The following SGMS1 variants were observed in gnomAD, a reference collection of about 807,000 sequenced individuals.
SGMS1 encodes sphingomyelin synthase 1, also known as phosphatidylcholine:ceramide cholinephosphotransferase 1.
A neutral mutation model predicts 46.2 loss-of-function variants in SGMS1; 13 were observed. That is an observed-to-expected ratio of 0.28 (90% confidence interval 0.18 to 0.45). The LOEUF (loss-of-function observed/expected upper bound fraction) is 0.45, where lower values mean the gene tolerates loss of function less well. Ranked by LOEUF, SGMS1 falls within the 20% of genes least tolerant of loss-of-function variation. The pLI, the probability that SGMS1 is intolerant of heterozygous loss-of-function variation, is 1.00. For synonymous variants in SGMS1, 203 were observed against 187.8 expected, an observed-to-expected ratio of 1.08 and a Z score of -0.66; for missense variants, 324 against 519.9, an observed-to-expected ratio of 0.62 and a Z score of 3.66.
intron 2 of SGMS1, among the ~76,000 whole-genome samples, chr10:50,561,968 A>G (rs1420889747): frequency 2.0e-5 from 3 of 152,158 alleles, no homozygotes; most frequent in Non-Finnish European, 4.4e-5. Context: ...ACCAGAGAGC[A>G]TATCTTCATC....
In SGMS1 at chr10:50,516,280, A is replaced by G. The variant is rs574543060; in HGVS notation, c.-498+3551T>C. On this transcript the variant is annotated intron_variant, in intron 3 of 10. Transcript: ENST00000361781. The stretch of plus-strand genomic sequence containing the variant: ...GACCAAAAATTTCATGCTGCTTTCT[A>G]TGCCTATTAAGGGGATGCAGAATGT... 8.5e-5 allele frequency among the ~76,000 whole-genome samples: 13 copies of G among 152,320 alleles called. No homozygotes were observed. The East Asian group carries it at 2.3e-3, about 27-fold the overall frequency.
At chr10:50,415,594 A>G (rs1198277052) in intron 6 of SGMS1, among the ~76,000 whole-genome samples, 1 of 152,174 alleles carries the variant, frequency 6.6e-6, no homozygotes, top group African/African-American at 2.4e-5. Flanking sequence ...TGGGGCTGTC[A>G]GCAATGCCTA....
intron 3 of SGMS1, among the ~76,000 whole-genome samples, chr10:50,471,906 C>A (rs372990434): frequency 2.6e-5 from 4 of 152,102 alleles, no homozygotes; most frequent in African/African-American, 7.2e-5. Flanking sequence ...AGCTTCTTCG[C>A]GGGCAAGAGC....
At chr10:50,458,769 T>C (rs1223153691) in intron 5 of SGMS1, among the ~76,000 whole-genome samples, 1 of 152,190 alleles carries the variant, frequency 6.6e-6, no homozygotes, top group African/African-American at 2.4e-5. Context: ...ATTTTTACGG[T>C]GATTTAAAAT....
chr10:50,541,559 T>C (rs1838052676), intron 2 of SGMS1, among the ~76,000 whole-genome samples: 1 of 152,176 alleles, frequency 6.6e-6, no homozygotes, highest in South Asian at 2.1e-4. Flanking sequence ...GGCAAACACC[T>C]AGCTCAGCTT....
At chr10:50,324,483 G>C (rs1847498685) in intron 8 of SGMS1, among the ~76,000 whole-genome samples, 1 of 152,116 alleles carries the variant, frequency 6.6e-6, no homozygotes, top group Non-Finnish European at 1.5e-5. Flanking sequence ...TGATTCTAAA[G>C]TAGGCAAAGC....
chr10:50,331,025 C>CA (rs993948549), intron 7 of SGMS1, among the ~76,000 whole-genome samples: 1 of 151,360 alleles, frequency 6.6e-6, no homozygotes, highest in African/African-American at 2.4e-5. Context: ...AAATGGGTGA[C>CA]AAAAAAACTG....
At chr10:50,615,173 A>T (rs1449415883) in intron 1 of SGMS1, among the ~76,000 whole-genome samples, 1 of 152,184 alleles carries the variant, frequency 6.6e-6, no homozygotes. Flanking sequence ...TCAGTCTGCA[A>T]CCTGAGCGCC....
chr10:50,541,317 A>T (rs1838050172), intron 2 of SGMS1, among the ~76,000 whole-genome samples: 2 of 152,126 alleles, frequency 1.3e-5, no homozygotes, highest in South Asian at 4.1e-4. Flanking sequence ...GCAACTTTTT[A>T]CCTCTCAAAG....
intron 2 of SGMS1, among the ~76,000 whole-genome samples, chr10:50,565,918 A>G (rs1343252042): frequency 6.6e-6 from 1 of 152,242 alleles, no homozygotes; most frequent in Non-Finnish European, 1.5e-5. Context: ...AGAGGAGAAT[A>G]TGGAGATAAC....
In SGMS1 at chr10:50,519,637, T is replaced by C. The variant is rs574104864; in HGVS notation, c.-498+194A>G. 3.3e-5 allele frequency among the ~76,000 whole-genome samples: 5 copies of C among 152,312 alleles called. No homozygotes were observed. In the East Asian group the frequency reaches 7.7e-4, roughly 24 times the overall value. ...CAGTGGGGGAGCTGGCCTCTTTAAG[T>C]GTGTTTCCTACTTTTTCCAAACCAC... On this transcript the variant is annotated intron_variant, in intron 3 of 10. Transcript: ENST00000361781.
chr10:50,574,770 T>C (rs1342392476), intron 2 of SGMS1, among the ~76,000 whole-genome samples: 1 of 151,464 alleles, frequency 6.6e-6, no homozygotes, highest in Non-Finnish European at 1.5e-5. Context: ...TAAAGAAAAA[T>C]GTGGTACCGT....
intron 1 of SGMS1, among the ~76,000 whole-genome samples, chr10:50,619,346 CT>C (rs1356080022): frequency 1.3e-5 from 2 of 152,178 alleles, no homozygotes; most frequent in African/African-American, 4.8e-5. Context: ...GTTCTTCTGA[CT>C]TTTATGAATG....
intron 2 of SGMS1, among the ~76,000 whole-genome samples, chr10:50,532,467 G>A (rs1294408284): frequency 6.6e-6 from 1 of 152,012 alleles, no homozygotes; most frequent in Non-Finnish European, 1.5e-5. Flanking sequence ...AAGTGTTTTG[G>A]TCCTTATTTA....
chr10:50,534,396 C>T (rs919792226), intron 2 of SGMS1, among the ~76,000 whole-genome samples: 1 of 152,042 alleles, frequency 6.6e-6, no homozygotes, highest in Non-Finnish European at 1.5e-5. Context: ...GTAAATTGAA[C>T]CAACGCAATA....
At chr10:50,587,280 T>C (rs1287785320) in intron 2 of SGMS1, among the ~76,000 whole-genome samples, 1 of 151,864 alleles carries the variant, frequency 6.6e-6, no homozygotes, top group African/African-American at 2.4e-5. Context: ...ATAAACCAAA[T>C]AGCCTACAAA....
chr10:50,604,536 C>T (rs1200625831), intron 1 of SGMS1, among the ~76,000 whole-genome samples: 1 of 152,160 alleles, frequency 6.6e-6, no homozygotes, highest in Admixed American at 6.5e-5. Context: ...CCGCAATTAT[C>T]TTTTTTCCCA....
intron 2 of SGMS1, among the ~76,000 whole-genome samples, chr10:50,559,686 T>G (rs1054758490): frequency 2.6e-5 from 4 of 152,118 alleles, no homozygotes; most frequent in African/African-American, 9.7e-5. Context: ...ATCTTCCCAG[T>G]GGGAGGAATA....
At chr10:50,361,840 C>T (rs1481478750) in intron 6 of SGMS1, among the ~76,000 whole-genome samples, 3 of 152,212 alleles carry the variant, frequency 2.0e-5, no homozygotes, top group African/African-American at 7.2e-5. Context: ...CTTGACTTAG[C>T]TCCAAGGCCT....
Sources: gnomAD v4.1 joint callset for allele counts (sites outside exome capture counted in the v4.1 genomes callset) on GRCh38, gnomAD v4.1.1 for gene constraint, MANE v1.5 for transcripts, NCBI Gene and HGNC (gene_info 2026-07-23, HGNC 2026-07-21) for gene names.